The following BBOF1 variants were observed in gnomAD, a reference collection of about 807,000 sequenced individuals.
The protein encoded by BBOF1 is basal body-orientation factor 1.
Under a neutral mutation model 68.0 loss-of-function variants are expected in BBOF1, and 62 were observed. The ratio of observed to expected loss-of-function variants is 0.91; its 90% confidence interval spans 0.74 to 1.13. The LOEUF (loss-of-function observed/expected upper bound fraction) is 1.13. Among genes scored for constraint, BBOF1 ranks in the 50% most tolerant of loss-of-function variants. The pLI, the probability that BBOF1 is intolerant of heterozygous loss-of-function variation, is 0.00. For missense variants in BBOF1, 534 were observed against 600.1 expected (o/e 0.89, Z 1.15); for synonymous variants, 208 against 198.8 (o/e 1.05, Z -0.39).
intron 5 of BBOF1, among the ~76,000 whole-genome samples, chr14:74,044,504 C>A (rs2059904667): frequency 6.7e-6 from 1 of 148,374 alleles, no homozygotes; most frequent in South Asian, 2.2e-4. Flanking sequence ...ACAGAGTCAC[C>A]CAGGCTGGAG....
At position 74,076,350 on chromosome 14, in the gene BBOF1, CTG is replaced by C. The variant is rs896442809; in HGVS notation, n.1380-1844_1380-1843del. Among the ~76,000 whole-genome samples, 71 of 152,066 alleles carry C rather than the reference CTG, an allele frequency of 4.7e-4. 1 individual carries two copies. Among genetic ancestry groups the C allele is most frequent in the African/African-American group, 1.6e-3 (67 of 41,412 alleles). ...TCAAATTGTAACTCACTAAAAAAGT[CTG>C]TATATATGTTATCAAAGTTGATTTT... On this transcript the variant is annotated intron_variant and non_coding_transcript_variant, in intron 9 of 12. Coordinates refer to the BBOF1 transcript ENST00000492026.
chr14:74,033,271 C>T (rs965969008), intron 3 of BBOF1, among the ~76,000 whole-genome samples: 12 of 151,966 alleles, frequency 7.9e-5, no homozygotes, highest in African/African-American at 2.9e-4. Context: ...AAACTTTATG[C>T]AAAAATAAAA....
In BBOF1 at chr14:74,053,717, C is replaced by CT. The variant is rs1205753772; in HGVS notation, c.1287-1853dup. Among the ~76,000 whole-genome samples, 399 of 142,124 alleles carry CT rather than the reference C, an allele frequency of 2.8e-3. 1 individual carries two copies. The highest frequency in any genetic ancestry group is 6.3e-3 in the African/African-American group (245 of 39,176). The allele number at this position is 142,124 out of a possible 152,430, so 93.2% of individuals were successfully genotyped here. ...CCACCGCACCTGGCCAAAACCTAAA[C>CT]TTTTTTTTTTTTTTGAGAGAGTCTC... On this transcript the variant is annotated intron_variant, in intron 8 of 11. Transcript: ENST00000394009.
rs755638669 is a variant in BBOF1, at chr14:74,057,193, A to G, written c.1513A>G (p.Ile505Val). 3 of 1,613,996 alleles carry G rather than the reference A, an allele frequency of 1.9e-6. No homozygotes were observed. Among genetic ancestry groups the G allele is most frequent in the South Asian group, 1.1e-5 (1 of 91,072 alleles). The change falls in exon 11 of 12, where the codon ATA becomes GTA. Residue 505 changes from isoleucine (I) to valine (V), a missense_variant. Transcript: ENST00000394009. ...AATCTTCATCACCCAGCAAATTGCA[A>G]TATCAGACTCTTCTGGTGAAGTGGT... ...DKIFITQQIA[I>V]SDSSGEVVLP...
chr14:74,033,284 G>A (rs917830117), intron 3 of BBOF1, among the ~76,000 whole-genome samples: 2 of 152,070 alleles, frequency 1.3e-5, no homozygotes, highest in Non-Finnish European at 2.9e-5. Context: ...AAATAAAAGG[G>A]GGACCGGGCG....
downstream of BBOF1, chr14:74,066,915 T>A: frequency 6.2e-7 from 1 of 1,602,048 alleles, no homozygotes; most frequent in South Asian, 1.1e-5. Context: ...GAATTTAAGG[T>A]CCTCATTAAC....
intron 5 of BBOF1, among the ~76,000 whole-genome samples, chr14:74,042,310 A>C (rs535234769): frequency 1.3e-5 from 2 of 152,246 alleles, no homozygotes; most frequent in Non-Finnish European, 2.9e-5. Flanking sequence ...TGGCACTGTC[A>C]GGAATGGAAG....
intron 11 of BBOF1, chr14:74,057,625 C>A: frequency 3.7e-6 from 5 of 1,336,298 alleles, no homozygotes; most frequent in Admixed American, 2.3e-5. Flanking sequence ...AGGACAAAGG[C>A]TTATAAGGAG....
chr14:74,071,682 ATATG>A, intron 9 of BBOF1: 1 of 1,504,726 alleles, frequency 6.6e-7, no homozygotes, highest in Non-Finnish European at 8.9e-7. Flanking sequence ...AAATACAGCG[ATATG>A]TATATACCCA....
chr14:74,041,578 T>C (rs2059825531), intron 5 of BBOF1, among the ~76,000 whole-genome samples: 1 of 152,020 alleles, frequency 6.6e-6, no homozygotes, highest in Admixed American at 6.6e-5. Context: ...TGAGACAGGG[T>C]CTTGTCTGTC....
chr14:74,064,554 G>T, intron 11 of BBOF1, 134 bp from the exon 12 acceptor site: 1 of 791,190 alleles, frequency 1.3e-6, no homozygotes, highest in East Asian at 2.5e-5. Flanking sequence ...TGGGGAAGAG[G>T]GTCACACACT....
At chr14:74,020,567 G>A (rs57201385) in intron 1 of BBOF1, among the ~76,000 whole-genome samples, 11,647 of 151,648 alleles carry the variant, frequency 0.077, 606 homozygotes, top group South Asian at 0.26. Flanking sequence ...GCAATGGCAC[G>A]ATCTCAGCTC....
intron 9 of BBOF1, chr14:74,072,641 A>T: frequency 6.2e-7 from 1 of 1,609,468 alleles, no homozygotes; most frequent in Non-Finnish European, 8.5e-7. Context: ...AAACAAACAA[A>T]CAAAAACATG....
intron 8 of BBOF1, among the ~76,000 whole-genome samples, chr14:74,052,798 A>C (rs778499038): frequency 7.9e-5 from 12 of 151,914 alleles, no homozygotes; most frequent in Non-Finnish European, 1.8e-4. Context: ...GTAGTTAAAG[A>C]CCAGCCTGGG....
At chr14:74,034,498 C>A (rs1321953372) in intron 4 of BBOF1, among the ~76,000 whole-genome samples, 1 of 152,116 alleles carries the variant, frequency 6.6e-6, no homozygotes, top group Non-Finnish European at 1.5e-5. Context: ...AAGTAGCAGA[C>A]TTCTAAAGAA....
rs780580375 is a variant in BBOF1, at chr14:74,057,113, T to C, written c.1464-31T>C. 3.1e-6 allele frequency: 5 copies of C among 1,605,138 alleles called. No homozygotes were observed. In the South Asian group the frequency reaches 5.5e-5, roughly 18 times the overall value. On this transcript the variant is annotated intron_variant, in intron 10 of 11. Transcript: ENST00000394009. The stretch of plus-strand genomic sequence containing the variant: ...CCAGGTTTCATGTGTGTAGAGTTGT[T>C]GACGGTTCTGTTATTTTGTCATTAT...
At position 74,075,633 on chromosome 14, in the gene BBOF1, GAAGA is replaced by G. The variant is rs145085402; in HGVS notation, n.1380-2562_1380-2559del. 9.9e-3 allele frequency among the ~76,000 whole-genome samples: 1,503 copies of G among 151,610 alleles called. 27 individuals are homozygous for G. The highest frequency in any genetic ancestry group is 0.034 in the African/African-American group (1,407 of 41,210). ...GATTATGCCACTGCACTCCAGCCAGGAAGAGAGAGGGAGACCTTGTCTCAAAAAA... is the reference window on the plus strand; with the variant it reads ...GATTATGCCACTGCACTCCAGCCAGGGAGAGGGAGACCTTGTCTCAAAAAA... On this transcript the variant is annotated intron_variant and non_coding_transcript_variant, in intron 9 of 12. Coordinates refer to the BBOF1 transcript ENST00000492026.
intron 9 of BBOF1, among the ~76,000 whole-genome samples, chr14:74,074,593 G>A (rs1297798649): frequency 6.6e-6 from 1 of 152,092 alleles, no homozygotes; most frequent in African/African-American, 2.4e-5. Flanking sequence ...ACCAAAAAAT[G>A]GTGACCTACT....
intron 9 of BBOF1, among the ~76,000 whole-genome samples, chr14:74,075,911 A>T (rs2060607933): frequency 1.3e-5 from 2 of 152,196 alleles, no homozygotes; most frequent in Non-Finnish European, 2.9e-5. Flanking sequence ...AAAAGGAATG[A>T]CCTGCTGATA....
Sources: allele counts gnomAD v4.1 joint callset (sites outside exome capture counted in the v4.1 genomes callset), GRCh38; gene constraint gnomAD v4.1.1; transcripts MANE v1.5; gene names NCBI Gene and HGNC (gene_info 2026-07-23, HGNC 2026-07-21).